LRP12: variants seen among roughly 807,000 people sequenced by gnomAD.
LRP12 encodes the protein LDL receptor related protein 12.
LRP12 carries 14 observed loss-of-function variants against 66.0 expected under a neutral mutation model. The observed-to-expected ratio is 0.21, with a 90% CI of 0.14 to 0.33. The LOEUF is 0.33. Among genes scored for constraint, LRP12 ranks in the 10% least tolerant of loss-of-function variants. The pLI, the probability that LRP12 is intolerant of heterozygous loss-of-function variation, is 1.00. For missense variants in LRP12, 889 were observed against 1,053.4 expected (o/e 0.84, Z 2.16); for synonymous variants, 357 against 359.1 (o/e 0.99, Z 0.07).
intron 1 of LRP12, among the ~76,000 whole-genome samples, chr8:104,548,664 A>AATTAAATTAATTATATAATTATTATATG (rs1226555170): frequency 7.2e-6 from 1 of 138,484 alleles, no homozygotes; most frequent in Admixed American, 7.4e-5. Context: ...ATTATTATAT[A>AATTAAATTAATTATATAATTATTATATG]ATTAATATGG....
At chr8:104,588,504 G>C (rs13266321) in intron 1 of LRP12, among the ~76,000 whole-genome samples, 28,464 of 152,148 alleles carry the variant, frequency 0.19, 3,523 homozygotes, top group African/African-American at 0.36. Flanking sequence ...TACGGGTCCT[G>C]GAGCAACTGG....
intron 2 of LRP12, among the ~76,000 whole-genome samples, chr8:104,525,045 CAT>C (rs1265938880): frequency 6.6e-6 from 1 of 152,006 alleles, no homozygotes; most frequent in Admixed American, 6.5e-5. Flanking sequence ...CAAAAAGAAA[CAT>C]ATAATTTAGA....
At chr8:104,514,762 C>T (rs1811053409) in intron 2 of LRP12, among the ~76,000 whole-genome samples, 1 of 152,092 alleles carries the variant, frequency 6.6e-6, no homozygotes, top group Non-Finnish European at 1.5e-5. Flanking sequence ...GATTAAAATA[C>T]TAGTACACAG....
chr8:104,519,578 A>G (rs199692902), intron 2 of LRP12, among the ~76,000 whole-genome samples: 1 of 152,120 alleles, frequency 6.6e-6, no homozygotes, highest in East Asian at 1.9e-4. Flanking sequence ...ATTCTGGAGC[A>G]TTTCAAATTT....
intron 2 of LRP12, among the ~76,000 whole-genome samples, chr8:104,516,987 C>G (rs1461314365): frequency 1.3e-5 from 2 of 151,716 alleles, no homozygotes; most frequent in Admixed American, 1.3e-4. Flanking sequence ...TATGTGAAAT[C>G]TTTGACTTTG....
At chr8:104,572,489 A>C (rs1338669712) in intron 1 of LRP12, among the ~76,000 whole-genome samples, 1 of 152,316 alleles carries the variant, frequency 6.6e-6, no homozygotes, top group Middle Eastern at 3.4e-3. Flanking sequence ...AATTAATAAA[A>C]CAGAAAACAA....
intron 1 of LRP12, among the ~76,000 whole-genome samples, chr8:104,542,537 C>A: frequency 6.6e-6 from 1 of 152,162 alleles, no homozygotes; most frequent in East Asian, 1.9e-4. Context: ...TCTTTTGATG[C>A]TTGTGCTTTG....
chr8:104,550,829 T>C (rs1384977537), intron 1 of LRP12, among the ~76,000 whole-genome samples: 1 of 152,204 alleles, frequency 6.6e-6, no homozygotes, highest in Non-Finnish European at 1.5e-5. Context: ...ATAAATGAAT[T>C]AGCTTGCAAA....
chr8:104,517,134 C>T (rs1385669408), intron 2 of LRP12, among the ~76,000 whole-genome samples: 1 of 150,554 alleles, frequency 6.6e-6, no homozygotes, highest in African/African-American at 2.4e-5. Flanking sequence ...AGTTTTATAA[C>T]AATGACATAT....
chr8:104,544,139 AAAG>A (rs1300189447), intron 1 of LRP12, among the ~76,000 whole-genome samples: 13 of 152,206 alleles, frequency 8.5e-5, no homozygotes, highest in Admixed American at 2.0e-4. Flanking sequence ...GATGGTCTGG[AAAG>A]AAGATCAAAC....
intron 2 of LRP12, among the ~76,000 whole-genome samples, chr8:104,518,503 C>T (rs1243525487): frequency 2.6e-5 from 4 of 151,826 alleles, no homozygotes; most frequent in South Asian, 4.2e-4. Flanking sequence ...GGAAGGGAGC[C>T]GTTTCAATAG....
At chr8:104,491,627 T>G in intron 6 of LRP12, 88 bp from the exon 7 acceptor site, 1 of 1,105,260 alleles carries the variant, frequency 9.0e-7, no homozygotes, top group Non-Finnish European at 1.3e-6. Flanking sequence ...TAAGAATGTG[T>G]TGTGGTTAAA....
intron 2 of LRP12, among the ~76,000 whole-genome samples, chr8:104,522,793 T>A (rs1158957714): frequency 1.3e-5 from 2 of 152,088 alleles, no homozygotes; most frequent in East Asian, 3.9e-4. Context: ...CTCATTCTCT[T>A]ATTCTTTGCG....
intron 1 of LRP12, among the ~76,000 whole-genome samples, chr8:104,568,070 G>A (rs747525673): frequency 6.6e-6 from 1 of 152,096 alleles, no homozygotes; most frequent in Non-Finnish European, 1.5e-5. Flanking sequence ...ACTAGCATAG[G>A]GATAGACAAT....
chr8:104,491,600 A>AAC, intron 6 of LRP12, 61 bp from the exon 7 acceptor site: 2 of 1,316,234 alleles, frequency 1.5e-6, no homozygotes, highest in Middle Eastern at 1.9e-4. Flanking sequence ...TAAAAAAAAA[A>AAC]AAAAACACCC....
intron 2 of LRP12, among the ~76,000 whole-genome samples, chr8:104,514,025 G>A (rs1811037395): frequency 6.6e-6 from 1 of 152,130 alleles, no homozygotes; most frequent in Non-Finnish European, 1.5e-5. Flanking sequence ...AATAGGTACT[G>A]AAGTAAAAAG....
At chr8:104,545,385 T>C (rs991785113) in intron 1 of LRP12, among the ~76,000 whole-genome samples, 1 of 152,208 alleles carries the variant, frequency 6.6e-6, no homozygotes, top group Non-Finnish European at 1.5e-5. Context: ...TTGAAAAGAC[T>C]GACCCCTATT....
intron 2 of LRP12, among the ~76,000 whole-genome samples, chr8:104,529,056 A>G (rs945191664): frequency 2.6e-5 from 4 of 152,210 alleles, no homozygotes; most frequent in African/African-American, 7.2e-5. Flanking sequence ...TCCAAAACTC[A>G]TATTTTAGAG....
chr8:104,546,542 A>C (rs1294915450), intron 1 of LRP12, among the ~76,000 whole-genome samples: 1 of 152,128 alleles, frequency 6.6e-6, no homozygotes, highest in African/African-American at 2.4e-5. Context: ...TCCCCACATT[A>C]TGGATGCGAA....
Sources: gnomAD v4.1 joint callset for allele counts (sites outside exome capture counted in the v4.1 genomes callset) on GRCh38, gnomAD v4.1.1 for gene constraint, MANE v1.5 for transcripts, NCBI Gene and HGNC (gene_info 2026-07-23, HGNC 2026-07-21) for gene names.